ERBB4: variants seen among roughly 807,000 people sequenced by gnomAD.
The protein encoded by ERBB4 is receptor tyrosine-protein kinase erbB-4.
A neutral mutation model predicts 158.0 loss-of-function variants in ERBB4; 42 were observed. The ratio of observed to expected loss-of-function variants is 0.27; its 90% CI spans 0.21 to 0.34. The LOEUF (loss-of-function observed/expected upper bound fraction) is 0.34, where lower values mean the gene tolerates loss of function less well. Ranked by LOEUF, ERBB4 falls within the 10% of genes least tolerant of loss-of-function variation. ERBB4 has a pLI of 1.00. For missense variants in ERBB4, 1,333 were observed against 1,624.1 expected, an observed-to-expected ratio of 0.82 and a Z score of 3.08; for synonymous variants, 583 against 558.7, an observed-to-expected ratio of 1.04 and a Z score of -0.61.
intron 19 of ERBB4, among the ~76,000 whole-genome samples, chr2:211,616,020 T>C (rs536027670): frequency 3.3e-5 from 5 of 152,246 alleles, no homozygotes; most frequent in African/African-American, 1.2e-4. Flanking sequence ...CAGCAGATCT[T>C]ATTTAGCTTG....
In ERBB4 at chr2:211,562,795, G is replaced by A. The variant is rs372579777; in HGVS notation, c.2302-707C>T. Among the ~76,000 whole-genome samples, 688 of 103,180 alleles carry A rather than the reference G, an allele frequency of 6.7e-3. 9 individuals carry two copies. Among genetic ancestry groups the A allele is most frequent in the South Asian group, 0.038 (154 of 4,048 alleles). 67.7% of individuals were successfully genotyped at this position (103,180 alleles called of 152,430 possible). A position where few individuals can be genotyped will look rare whatever the true frequency, so the allele number is the denominator to read the frequency against. ...TTTTTTTTTTTTTTTTTTTTGAGAC[G>A]GAGTCTCGCTCTGTCGCCCAGGCTG... On this transcript the variant is annotated intron_variant, in intron 19 of 27. Transcript: ENST00000342788.
intron 25 of ERBB4, among the ~76,000 whole-genome samples, chr2:211,413,159 C>T (rs1483302656): frequency 1.3e-5 from 2 of 150,934 alleles, no homozygotes; most frequent in African/African-American, 4.9e-5. Flanking sequence ...TTAAATTACC[C>T]GGGCATGGCA....
chr2:211,400,077 A>C (rs4673614), intron 25 of ERBB4, among the ~76,000 whole-genome samples: 2 of 152,088 alleles, frequency 1.3e-5, no homozygotes, highest in African/African-American at 4.8e-5. Context: ...ACAGAGTATG[A>C]GTCTCTGAGA....
At chr2:211,929,074 T>C (rs2080098440) in intron 3 of ERBB4, among the ~76,000 whole-genome samples, 1 of 152,164 alleles carries the variant, frequency 6.6e-6, no homozygotes, top group Non-Finnish European at 1.5e-5. Context: ...TGGGTACATG[T>C]AATAGCTCTT....
At chr2:211,453,739 T>C (rs984842630) in intron 20 of ERBB4, among the ~76,000 whole-genome samples, 1 of 152,206 alleles carries the variant, frequency 6.6e-6, no homozygotes, top group Non-Finnish European at 1.5e-5. Context: ...TATTTGGTGT[T>C]AGATCAGGCT....
intron 1 of ERBB4, among the ~76,000 whole-genome samples, chr2:212,232,986 T>A (rs1381500154): frequency 6.6e-6 from 1 of 152,200 alleles, no homozygotes. Context: ...TTGGAAGAGA[T>A]CTTCAGGGCA....
At chr2:212,499,215 C>T (rs1364089600) in intron 1 of ERBB4, among the ~76,000 whole-genome samples, 1 of 151,960 alleles carries the variant, frequency 6.6e-6, no homozygotes, top group Non-Finnish European at 1.5e-5. Flanking sequence ...TTGAGGGACT[C>T]TACAGTCTAA....
At chr2:212,354,752 C>T (rs530860437) in intron 1 of ERBB4, among the ~76,000 whole-genome samples, 44 of 151,736 alleles carry the variant, frequency 2.9e-4, no homozygotes, top group Admixed American at 2.6e-3. Context: ...GAAAGAGAAG[C>T]AAAAAAGGTA....
At chr2:212,269,063 T>G (rs901324390) in intron 1 of ERBB4, among the ~76,000 whole-genome samples, 3 of 151,824 alleles carry the variant, frequency 2.0e-5, no homozygotes, top group African/African-American at 2.4e-5. Context: ...AGTTATATAA[T>G]GCACATGATG....
chr2:212,418,078 T>C (rs987374617), intron 1 of ERBB4, among the ~76,000 whole-genome samples: 1 of 151,964 alleles, frequency 6.6e-6, no homozygotes, highest in Admixed American at 6.6e-5. Flanking sequence ...ACTGAATCTA[T>C]TAACATCTTG....
intron 1 of ERBB4, among the ~76,000 whole-genome samples, chr2:212,234,228 C>T (rs1202537464): frequency 2.0e-5 from 3 of 151,948 alleles, no homozygotes; most frequent in African/African-American, 4.8e-5. Flanking sequence ...TGAGAACATG[C>T]AGTGTTGGGT....
At chr2:211,669,201 C>A (rs1255234650) in intron 14 of ERBB4, among the ~76,000 whole-genome samples, 1 of 111,904 alleles carries the variant, frequency 8.9e-6, no homozygotes, top group South Asian at 2.9e-4. Context: ...ACAGTCTGGG[C>A]GACAGAGTGA....
intron 3 of ERBB4, among the ~76,000 whole-genome samples, chr2:211,815,057 G>A (rs1447844780): frequency 2.6e-5 from 4 of 152,020 alleles, no homozygotes; most frequent in Non-Finnish European, 5.9e-5. Flanking sequence ...AAGGCTTCTC[G>A]CATGGGGACC....
intron 1 of ERBB4, among the ~76,000 whole-genome samples, chr2:212,461,178 A>G (rs1331449514): frequency 2.0e-5 from 3 of 152,148 alleles, no homozygotes; most frequent in African/African-American, 7.2e-5. Flanking sequence ...TGGAGCTGTG[A>G]GAAGAGGGCC....
intron 2 of ERBB4, among the ~76,000 whole-genome samples, chr2:212,011,268 C>T (rs1476106742): frequency 6.6e-6 from 1 of 152,114 alleles, no homozygotes; most frequent in Non-Finnish European, 1.5e-5. Context: ...TGCCGTGGCT[C>T]CAGCTGGTCC....
At chr2:211,522,654 AG>A (rs1161983093) in intron 20 of ERBB4, among the ~76,000 whole-genome samples, 3 of 152,206 alleles carry the variant, frequency 2.0e-5, no homozygotes, top group African/African-American at 7.2e-5. Context: ...CTTTGATGAA[AG>A]GAAGAGTCAA....
intron 2 of ERBB4, among the ~76,000 whole-genome samples, chr2:212,058,823 C>T (rs2077666026): frequency 6.6e-6 from 1 of 152,160 alleles, no homozygotes; most frequent in Middle Eastern, 3.2e-3. Context: ...GACAAACCCA[C>T]AGCCAATATC....
chr2:212,288,594 C>A (rs1382404226), intron 1 of ERBB4, among the ~76,000 whole-genome samples: 2 of 152,124 alleles, frequency 1.3e-5, no homozygotes, highest in Non-Finnish European at 2.9e-5. Flanking sequence ...GGAAAACTGG[C>A]TAGCCGGCTT....
chr2:211,797,648 A>T (rs1461856809), intron 3 of ERBB4, among the ~76,000 whole-genome samples: 1 of 151,908 alleles, frequency 6.6e-6, no homozygotes, highest in Non-Finnish European at 1.5e-5. Flanking sequence ...AATATAAATA[A>T]GTGATTTGGG....
Sources: allele counts gnomAD v4.1 joint callset (sites outside exome capture counted in the v4.1 genomes callset), GRCh38; gene constraint gnomAD v4.1.1; transcripts MANE v1.5; gene names NCBI Gene and HGNC (gene_info 2026-07-23, HGNC 2026-07-21).